NKX6-1: variants seen among roughly 807,000 people sequenced by gnomAD.
NKX6-1 encodes NK6 homeobox 1, also known as homeobox protein Nkx-6.1.
NKX6-1 carries 11 observed loss-of-function variants against 24.9 expected under a neutral mutation model. The observed-to-expected ratio is 0.44, with a 90% CI of 0.28 to 0.73. NKX6-1 has a LOEUF of 0.73. NKX6-1 is among the 30% of genes least tolerant of loss of function. The pLI, the probability that NKX6-1 is intolerant of heterozygous loss-of-function variation, is 0.15. For missense variants in NKX6-1, 487 were observed against 502.9 expected (o/e 0.97, Z 0.30); for synonymous variants, 277 against 242.9 (o/e 1.14, Z -1.31).
In NKX6-1 at chr4:84,495,792, G is replaced by A. The variant is rs1389513384; in HGVS notation, c.723C>T (p.Pro241=). 1 of 1,614,058 alleles carries A rather than the reference G, an allele frequency of 6.2e-7. No homozygotes were observed. Among genetic ancestry groups the A allele is most frequent in the East Asian group, 2.2e-5 (1 of 44,888 alleles). ...CGAAGATCTGCTGTCCGGAAAAAGT[G>A]GGTCTCGTGTGTTTTCTCTTCCCGT... is the stretch of plus-strand genomic sequence containing the variant. ...DKDGKRKHTR[P]TFSGQQIFAL... Residue 241 remains proline, a synonymous_variant, in exon 2 of 3, where the codon CCC becomes CCT. Transcript: ENST00000295886.
At chr4:84,495,415 A>T (rs1578468157) in intron 2 of NKX6-1, among the ~76,000 whole-genome samples, 2 of 152,174 alleles carry the variant, frequency 1.3e-5, no homozygotes, top group Admixed American at 1.3e-4. Context: ...ATGCTGCTAT[A>T]TAGATTAACC....
In NKX6-1 at chr4:84,497,996, C is replaced by A. The variant is rs1407384187; in HGVS notation, c.233G>T (p.Gly78Val). 1 of 1,286,094 alleles carries A rather than the reference C, an allele frequency of 7.8e-7. No homozygotes were observed. Among genetic ancestry groups the A allele is most frequent in the East Asian group, 2.9e-5 (1 of 34,728 alleles). 79.7% of individuals were successfully genotyped at this position (1,286,094 alleles called of 1,614,324 possible). A position where few individuals can be genotyped will look rare whatever the true frequency, so the allele number is the denominator to read the frequency against. The stretch of plus-strand genomic sequence containing the variant: ...GGGGCTGCCGAGGGATGAGAGCCCC[C>A]CCGTGGCCGGGGGCTTCAGGCCGCC... ...NPGGLKPPAT[G>V]GLSSLGSPPQ... is the part of the protein sequence containing the mutation. Residue 78 changes from glycine to valine, a missense_variant, in exon 1 of 3, where the codon GGG becomes GTG. Gly to Val is a moderately radical substitution (Grantham distance 109, BLOSUM62 -3). Transcript: ENST00000295886. This position sits in a 1 kb window ranked among gnomAD's most constrained non-coding sequence, Gnocchi z 4.8.
In NKX6-1 at chr4:84,498,681, C is replaced by T. The variant is rs1196561849; in HGVS notation, c.-453G>A. 6.6e-6 allele frequency among the ~76,000 whole-genome samples: 1 copy of T among 152,188 alleles called. No homozygotes were observed. The highest frequency in any genetic ancestry group is 2.4e-5 in the African/African-American group (1 of 41,454). ...GAAGTTGGAGGGTGGGGGTGGCTTG[C>T]TTTCTTTGGGGAGGTTCAAAGGACG... On this transcript the variant is annotated 5_prime_UTR_variant, in exon 1 of 3. Transcript: ENST00000295886.
chr4:84,494,353 C>A (rs1285683563), intron 2 of NKX6-1, among the ~76,000 whole-genome samples: 1 of 152,110 alleles, frequency 6.6e-6, no homozygotes, highest in African/African-American at 2.4e-5. Flanking sequence ...GTTATTTTAA[C>A]TGTGTTCCTG....
rs1308994718 is a variant in NKX6-1, at chr4:84,499,087, C to A, written c.-859G>T. On this transcript the variant is annotated 5_prime_UTR_variant, in exon 1 of 3. Coordinates refer to ENST00000295886, the MANE Select transcript of NKX6-1 (RefSeq NM_006168.3). ...CCACTTCTGCAAACGGGCCCGGCGA[C>A]CCCCGCCCCACCCCCGCTCCCTCTC... Among the ~76,000 whole-genome samples the A allele has an allele frequency of 6.6e-6, 1 of 152,178 alleles. No homozygotes were observed. The highest frequency in any genetic ancestry group is 6.5e-5 in the Admixed American group (1 of 15,286).
At position 84,497,788 on chromosome 4, in the gene NKX6-1, TGCGGCCGCGGCAGCAGCC is replaced by T. The variant is rs1227392008; in HGVS notation, c.423_440del (p.Ala145_Ala150del). ...GCCCCGCCGGGGATGAGGCGGCGGC[TGCGGCCGCGGCAGCAGCC>T]GCGGCGGCGGCAGAGGCGGAGGAGG... On this transcript the variant is annotated inframe_deletion, in exon 1 of 3. Transcript: ENST00000295886. This position sits in a 1 kb window ranked among gnomAD's most constrained non-coding sequence, Gnocchi z 4.8. The T allele has an allele frequency of 1.9e-5, 24 of 1,271,024 alleles. No homozygotes were observed. The East Asian group carries it at 2.5e-4, about 13-fold the overall frequency. 78.7% of individuals were successfully genotyped at this position (1,271,024 alleles called of 1,614,324 possible). A position where few individuals can be genotyped will look rare whatever the true frequency, so the allele number is the denominator to read the frequency against.
At chr4:84,495,904 C>G in intron 1 of NKX6-1, 60 bp from the exon 2 acceptor site, 1 of 1,546,822 alleles carries the variant, frequency 6.5e-7, no homozygotes, top group African/African-American at 1.4e-5. Flanking sequence ...AGCGGCTGCA[C>G]TAGGGGGAAA....
chr4:84,497,686 G>T lies in NKX6-1; in HGVS notation c.543C>A (p.Ala181=). 7.9e-7 allele frequency: 1 copy of T among 1,270,590 alleles called. No homozygotes were observed. The highest frequency in any genetic ancestry group is 3.3e-5 in the South Asian group (1 of 30,228). The allele number at this position is 1,270,590 out of a possible 1,614,324, so 78.7% of individuals were successfully genotyped here. Residue 181 remains alanine (A), a synonymous_variant, in exon 1 of 3, where the codon GCC becomes GCA. Transcript: ENST00000295886. The surrounding 1 kb of genome is among the most constrained non-coding windows in gnomAD (Gnocchi z 4.8). ...ACCGGCCCACGGCGGCCACGGCCGC[G>T]GCGCTGGGGCTGAAGTAGAGCCCGG... ...PPPGLYFSPS[A]AAVAAVGRYP...
Position 84,497,269 on chromosome 4 carries a change from C to T in NKX6-1, c.670+290G>A, listed in dbSNP as rs956618003. Among the ~76,000 whole-genome samples, 1 of 152,116 alleles carries T rather than the reference C, an allele frequency of 6.6e-6. No homozygotes were observed. The highest frequency in any genetic ancestry group is 1.5e-5 in the Non-Finnish European group (1 of 68,024). On this transcript the variant is annotated intron_variant, in intron 1 of 2. Coordinates refer to ENST00000295886, the MANE Select transcript of NKX6-1 (RefSeq NM_006168.3). The surrounding 1 kb of genome is among the most constrained non-coding windows in gnomAD (Gnocchi z 4.8). ...CAGCCAGGGCCTCGGACGAGACACA[C>T]GTCCCTCACCGCGTTGTGGTCCACA... is the stretch of plus-strand genomic sequence containing the variant.
rs1187229365 is a variant in NKX6-1, at chr4:84,497,533, A to G, written c.670+26T>C. ...GGCAGAACAGGCACGGCAGGCAGGC[A>G]TCGGGGCGCGGGTGGTAGTACTCAC... On this transcript the variant is annotated intron_variant, in intron 1 of 2. Transcript: ENST00000295886. The surrounding 1 kb of genome is among the most constrained non-coding windows in gnomAD (Gnocchi z 4.8). 1.2e-5 allele frequency: 15 copies of G among 1,253,570 alleles called. No homozygotes were observed. The highest frequency in any genetic ancestry group is 2.1e-4 in the Middle Eastern group (1 of 4,810). 77.7% of individuals were successfully genotyped at this position (1,253,570 alleles called of 1,614,324 possible).
At position 84,493,266 on chromosome 4, in the gene NKX6-1, G is replaced by A; in HGVS notation, c.*23C>T. 1.3e-6 allele frequency: 2 copies of A among 1,540,622 alleles called. No individual in the cohort carries two copies. The highest frequency in any genetic ancestry group is 1.7e-6 in the Non-Finnish European group (2 of 1,154,058). On this transcript the variant is annotated 3_prime_UTR_variant, in exon 3 of 3. Transcript: ENST00000295886. The surrounding 1 kb of genome is among the most constrained non-coding windows in gnomAD (Gnocchi z 5.1). ...CCCCAGAGGTGGAGGCCGGAGCCGGGAAGGTGCGGCGGGCGGCGGCGTTCA... is the reference window on the plus strand; with the variant it reads ...CCCCAGAGGTGGAGGCCGGAGCCGGAAAGGTGCGGCGGGCGGCGGCGTTCA...
In NKX6-1 at chr4:84,495,584, G is replaced by GGGGT. The variant is rs1231310151; in HGVS notation, c.843+87_843+88insACCC. 17 of 960,566 alleles carry GGGGT rather than the reference G, an allele frequency of 1.8e-5. No homozygotes were observed. In the African/African-American group the frequency reaches 2.1e-4, roughly 12 times the overall value. The allele number at this position is 960,566 out of a possible 1,614,324, so 59.5% of individuals were successfully genotyped here. On this transcript the variant is annotated intron_variant, in intron 2 of 2. Transcript: ENST00000295886. ...CCCAGGCGACTGTTTGTTAGTTTGG[G>GGGGT]GTGTGTGTGTGTGTGTGTGTGCCCA...
In NKX6-1 at chr4:84,498,341, C is replaced by T; in HGVS notation, c.-113G>A. 8.5e-7 allele frequency: 1 copy of T among 1,173,852 alleles called. No homozygotes were observed. The highest frequency in any genetic ancestry group is 1.1e-6 in the Non-Finnish European group (1 of 931,834). The allele number at this position is 1,173,852 out of a possible 1,614,324, so 72.7% of individuals were successfully genotyped here. A position where few individuals can be genotyped will look rare whatever the true frequency, so the allele number is the denominator to read the frequency against. ...GGCGCGAGCGGAGAGGCACTCGGCGCGCCCGGAGGCGAGCTGCCAACTGAA... is the reference window on the plus strand; with the variant it reads ...GGCGCGAGCGGAGAGGCACTCGGCGTGCCCGGAGGCGAGCTGCCAACTGAA... On this transcript the variant is annotated 5_prime_UTR_variant, in exon 1 of 3. Coordinates refer to ENST00000295886, the MANE Select transcript of NKX6-1 (RefSeq NM_006168.3).
Position 84,493,246 on chromosome 4 carries a change from G to T in NKX6-1, c.*43C>A. 6.7e-7 allele frequency: 1 copy of T among 1,495,540 alleles called. No individual in the cohort carries two copies. The allele number at this position is 1,495,540 out of a possible 1,614,324, so 92.6% of individuals were successfully genotyped here. A position where few individuals can be genotyped will look rare whatever the true frequency, so the allele number is the denominator to read the frequency against. On this transcript the variant is annotated 3_prime_UTR_variant, in exon 3 of 3. Coordinates refer to ENST00000295886, the MANE Select transcript of NKX6-1 (RefSeq NM_006168.3). The surrounding 1 kb of genome is among the most constrained non-coding windows in gnomAD (Gnocchi z 5.1). ...GGTCCCCGCGCCCCTCGCGGCCCCAGAGGTGGAGGCCGGAGCCGGGAAGGT... is the reference window on the plus strand; with the variant it reads ...GGTCCCCGCGCCCCTCGCGGCCCCATAGGTGGAGGCCGGAGCCGGGAAGGT...
In NKX6-1 at chr4:84,498,422, A is replaced by C. The variant is rs1578469725; in HGVS notation, c.-194T>G. ...CTAGCTGCGCAGCAGAGATGTCCAAACCCTCCACGCGGGAGGCGGCAGCTC... is the reference window on the plus strand; with the variant it reads ...CTAGCTGCGCAGCAGAGATGTCCAACCCCTCCACGCGGGAGGCGGCAGCTC... On this transcript the variant is annotated 5_prime_UTR_variant, in exon 1 of 3. Transcript: ENST00000295886. The C allele has an allele frequency of 2.0e-6, 1 of 510,162 alleles. No individual in the cohort carries two copies. Among genetic ancestry groups the C allele is most frequent in the Non-Finnish European group, 3.0e-6 (1 of 329,566 alleles). 31.6% of individuals were successfully genotyped at this position (510,162 alleles called of 1,614,324 possible).
Position 84,498,168 on chromosome 4 carries a change from G to C in NKX6-1, c.61C>G (p.Pro21Ala). ...RQSAFLLSSP[P>A]LAALHSMAEM... ...GCCATGCTGTGCAGGGCGGCCAGGGGAGGGCTGCTGAGCAGGAATGCGCTC... is the reference window on the plus strand; with the variant it reads ...GCCATGCTGTGCAGGGCGGCCAGGGCAGGGCTGCTGAGCAGGAATGCGCTC... The change falls in exon 1 of 3, where the codon CCC becomes GCC. Residue 21 changes from proline to alanine, a missense_variant. Pro to Ala is a conservative substitution (Grantham distance 27). Transcript: ENST00000295886. 7.7e-7 allele frequency: 1 copy of C among 1,297,180 alleles called. No individual in the cohort carries two copies. The highest frequency in any genetic ancestry group is 9.8e-7 in the Non-Finnish European group (1 of 1,022,568). The allele number at this position is 1,297,180 out of a possible 1,614,324, so 80.4% of individuals were successfully genotyped here.
rs1281914322 is a variant in NKX6-1, at chr4:84,497,710, G to A, written c.519C>T (p.Pro173=). 4 of 1,262,600 alleles carry A rather than the reference G, an allele frequency of 3.2e-6. No individual in the cohort carries two copies. The Admixed American group carries it at 1.3e-4, about 40-fold the overall frequency. 78.2% of individuals were successfully genotyped at this position (1,262,600 alleles called of 1,614,324 possible). A position where few individuals can be genotyped will look rare whatever the true frequency, so the allele number is the denominator to read the frequency against. ...CGGCGCTGGGGCTGAAGTAGAGCCC[G>A]GGCGGCGGCGGCGGCGGGCTCAGGC... ...FSSLSPPPPP[P]GLYFSPSAAA... is the part of the protein sequence containing the mutation. Residue 173 remains proline (P), a synonymous_variant, in exon 1 of 3, where the codon CCC becomes CCT. Transcript: ENST00000295886. The surrounding 1 kb of genome is among the most constrained non-coding windows in gnomAD (Gnocchi z 4.8).
rs1720896562 is a variant in NKX6-1 at position 84,499,277 on chromosome 4, A to G, written c.-1049T>C. On this transcript the variant is annotated 5_prime_UTR_variant, in exon 1 of 3. Transcript: ENST00000295886. ...CCTCCGGGCCTGACAGTTCAGATGAAGCTCTCAAAGGTAATAAAACATTTG... is the reference window on the plus strand; with the variant it reads ...CCTCCGGGCCTGACAGTTCAGATGAGGCTCTCAAAGGTAATAAAACATTTG... Among the ~76,000 whole-genome samples, 1 of 152,210 alleles carries G rather than the reference A, an allele frequency of 6.6e-6. No homozygotes were observed. Among genetic ancestry groups the G allele is most frequent in the Non-Finnish European group, 1.5e-5 (1 of 68,046 alleles).
At chr4:84,496,183 C>T (rs1720815847) in intron 1 of NKX6-1, among the ~76,000 whole-genome samples, 1 of 152,136 alleles carries the variant, frequency 6.6e-6, no homozygotes, top group South Asian at 2.1e-4. Flanking sequence ...AGGCCACTCT[C>T]GCCTCCTAAT....
Sources: gnomAD v4.1 joint callset for allele counts (sites outside exome capture counted in the v4.1 genomes callset) on GRCh38, gnomAD v4.1.1 for gene constraint, Gnocchi (gnomAD v3.1) non-coding constraint, MANE v1.5 for transcripts, NCBI Gene and HGNC (gene_info 2026-07-23, HGNC 2026-07-21) for gene names.